The following APP variants were observed in gnomAD, a reference collection of about 807,000 sequenced individuals.
APP encodes amyloid-beta precursor protein.
APP carries 31 observed loss-of-function variants against 101.4 expected under a neutral mutation model. The ratio of observed to expected loss-of-function variants is 0.31; its 90% CI spans 0.23 to 0.41. The LOEUF is 0.41. Ranked by LOEUF, APP falls within the 10% of genes least tolerant of loss-of-function variation. APP has a pLI of 1.00. For synonymous variants in APP, 366 were observed against 364.4 expected, an observed-to-expected ratio of 1.00 and a Z score of -0.05; for missense variants, 839 against 1,003.7, an observed-to-expected ratio of 0.84 and a Z score of 2.22.
chr21:25,988,330 G>C (rs923628976), intron 8 of APP, among the ~76,000 whole-genome samples: 2 of 152,182 alleles, frequency 1.3e-5, no homozygotes, highest in Non-Finnish European at 2.9e-5. Flanking sequence ...TGTTTGAGGG[G>C]GAGTATATGT....
chr21:26,093,577 A>C (rs940982290), intron 2 of APP, among the ~76,000 whole-genome samples: 7 of 152,176 alleles, frequency 4.6e-5, no homozygotes, highest in African/African-American at 1.7e-4. Flanking sequence ...CAGGGCAGTA[A>C]CTGATTAGGT....
At chr21:26,017,785 G>A (rs2044166383) in intron 6 of APP, among the ~76,000 whole-genome samples, 1 of 152,170 alleles carries the variant, frequency 6.6e-6, no homozygotes, top group Admixed American at 6.5e-5. Context: ...TTGAAGAACA[G>A]AAAATTAGGA....
intron 1 of APP, among the ~76,000 whole-genome samples, chr21:26,148,175 A>G (rs1488483629): frequency 6.6e-6 from 1 of 152,232 alleles, no homozygotes; most frequent in Non-Finnish European, 1.5e-5. Context: ...AGATCTCTCA[A>G]TTACCCACTT....
intron 1 of APP, among the ~76,000 whole-genome samples, chr21:26,114,965 T>A (rs1488584167): frequency 6.6e-6 from 1 of 152,186 alleles, no homozygotes; most frequent in Non-Finnish European, 1.5e-5. Flanking sequence ...TTTTAAAACA[T>A]TTTTTTCAAA....
At chr21:25,973,180 A>G (rs935258077) in intron 11 of APP, among the ~76,000 whole-genome samples, 1 of 151,174 alleles carries the variant, frequency 6.6e-6, no homozygotes, top group Admixed American at 6.6e-5. Flanking sequence ...AAAAAGAGGA[A>G]AAAAGAAGAA....
At chr21:26,117,984 C>T (rs1238920261) in intron 1 of APP, among the ~76,000 whole-genome samples, 1 of 152,136 alleles carries the variant, frequency 6.6e-6, no homozygotes, top group African/African-American at 2.4e-5. Flanking sequence ...ACAAGCTATC[C>T]TCCCTTGATG....
chr21:25,914,591 T>C (rs1240082435), intron 13 of APP, among the ~76,000 whole-genome samples: 6 of 146,812 alleles, frequency 4.1e-5, no homozygotes, highest in Non-Finnish European at 7.4e-5. Context: ...TCTTGCTCTG[T>C]CGCCCAGGCT....
At chr21:25,959,119 T>C (rs986602776) in intron 11 of APP, among the ~76,000 whole-genome samples, 2 of 152,178 alleles carry the variant, frequency 1.3e-5, no homozygotes, top group African/African-American at 4.8e-5. Flanking sequence ...AAGTTTAAGA[T>C]AGTTCTACAA....
chr21:25,959,809 T>C (rs1435455611), intron 11 of APP, among the ~76,000 whole-genome samples: 2 of 152,260 alleles, frequency 1.3e-5, no homozygotes, highest in Non-Finnish European at 2.9e-5. Flanking sequence ...GTGACATTCA[T>C]GGTTTCTAGT....
At chr21:26,040,670 G>A (rs1181682846) in intron 5 of APP, among the ~76,000 whole-genome samples, 1 of 151,700 alleles carries the variant, frequency 6.6e-6, no homozygotes. Flanking sequence ...ACTGAGGCAG[G>A]AGTACCACTT....
At position 26,091,035 on chromosome 21, in the gene APP, TTAA is replaced by T. The variant is rs558582354; in HGVS notation, c.226-966_226-964del. Among the ~76,000 whole-genome samples the T allele has an allele frequency of 1.9e-4, 29 of 152,366 alleles. No homozygotes were observed. The South Asian group carries it at 5.8e-3, about 30-fold the overall frequency. ...TGAAATATCAAACCACTTCTATTTA[TTAA>T]TGAGTAGAGATTTGAAAGAAAAACA... On this transcript the variant is annotated intron_variant, in intron 2 of 17. Transcript: ENST00000346798.
At chr21:25,947,128 T>G (rs921933547) in intron 13 of APP, among the ~76,000 whole-genome samples, 2 of 152,234 alleles carry the variant, frequency 1.3e-5, no homozygotes, top group African/African-American at 4.8e-5. Flanking sequence ...ACGGATGCTG[T>G]ATTACATGTG....
intron 13 of APP, among the ~76,000 whole-genome samples, chr21:25,929,403 G>C (rs1330674626): frequency 6.6e-6 from 1 of 151,662 alleles, no homozygotes; most frequent in African/African-American, 2.4e-5. Flanking sequence ...TTTTTTAATG[G>C]TTTTATTCTT....
intron 1 of APP, among the ~76,000 whole-genome samples, chr21:26,113,843 C>G (rs1319937173): frequency 6.6e-6 from 1 of 152,184 alleles, no homozygotes; most frequent in Non-Finnish European, 1.5e-5. Context: ...CAAATGTTGT[C>G]AATCTTACTG....
chr21:26,053,199 T>C (rs368630223), intron 4 of APP, 37 bp downstream of exon 4: 24 of 1,474,124 alleles, frequency 1.6e-5, no homozygotes, highest in South Asian at 5.7e-5. Context: ...CCAGGAAATC[T>C]TCACTTTGCA....
chr21:25,917,954 G>C (rs951626453), intron 13 of APP, among the ~76,000 whole-genome samples: 2 of 150,414 alleles, frequency 1.3e-5, no homozygotes, highest in Non-Finnish European at 3.0e-5. Context: ...CTGGTCATTA[G>C]AGAAATGCAA....
intron 5 of APP, among the ~76,000 whole-genome samples, chr21:26,047,029 G>A (rs1167006899): frequency 6.6e-6 from 1 of 152,168 alleles, no homozygotes; most frequent in Admixed American, 6.5e-5. Context: ...TAGGTATTTT[G>A]AGGTGATCTG....
chr21:25,975,849 G>T, intron 10 of APP, 105 bp downstream of exon 10: 1 of 897,886 alleles, frequency 1.1e-6, no homozygotes, highest in South Asian at 1.3e-5. Context: ...ATGGGACTAT[G>T]AACAATCACA....
At chr21:25,967,040 G>A (rs1343564422) in intron 11 of APP, among the ~76,000 whole-genome samples, 1 of 152,146 alleles carries the variant, frequency 6.6e-6, no homozygotes, top group East Asian at 1.9e-4. Context: ...TCTCAACTTA[G>A]TGATGAAACC....
Sources: allele counts gnomAD v4.1 joint callset (sites outside exome capture counted in the v4.1 genomes callset), GRCh38; gene constraint gnomAD v4.1.1; transcripts MANE v1.5; gene names NCBI Gene and HGNC (gene_info 2026-07-23, HGNC 2026-07-21).